The following PLXNA2 variants were observed in gnomAD, a reference collection of about 807,000 sequenced individuals.
PLXNA2 encodes the protein plexin A2.
PLXNA2 carries 91 observed loss-of-function variants against 193.5 expected under a neutral mutation model. The observed-to-expected ratio is 0.47, with a 90% CI of 0.40 to 0.56. PLXNA2 has a LOEUF of 0.56. Among genes scored for constraint, PLXNA2 ranks in the 20% least tolerant of loss-of-function variants. The probability of loss-of-function intolerance (pLI) is 0.00; values close to 1 mark genes in which losing one functional copy is unlikely to be tolerated. For missense variants in PLXNA2, 1,995 were observed against 2,503.2 expected (o/e 0.80, Z 4.33); for synonymous variants, 997 against 1,027.3 (o/e 0.97, Z 0.56).
At chr1:208,158,114 A>T (rs914050405) in intron 3 of PLXNA2, among the ~76,000 whole-genome samples, 7 of 152,206 alleles carry the variant, frequency 4.6e-5, no homozygotes, top group Non-Finnish European at 1.0e-4. Context: ...AAGCCTAGGT[A>T]CAGCTTCTGA....
At position 208,084,446 on chromosome 1, in the gene PLXNA2, T is replaced by C. The variant is rs1161201670; in HGVS notation, c.2232A>G (p.Gln744=). 3.1e-6 allele frequency: 5 copies of C among 1,614,242 alleles called. No homozygotes were observed. The Middle Eastern group carries it at 6.6e-4, about 213-fold the overall frequency. ...GAGCGGGGACCCGGTGGATGGCTCC[T>C]TGTATGTTGAGGACACACTCATAGC... ...QRGYECVLNI[Q]GAIHRVPALR... is the part of the protein sequence containing the mutation. The change falls in exon 10 of 32, where the codon CAA becomes CAG. Residue 744 remains glutamine (Q), a synonymous_variant. Transcript: ENST00000367033.
chr1:208,141,593 T>C (rs754508485), intron 4 of PLXNA2, among the ~76,000 whole-genome samples: 48 of 152,302 alleles, frequency 3.2e-4, no homozygotes, highest in Middle Eastern at 3.4e-3. Flanking sequence ...ACCGAGTGAA[T>C]GGAATGTGTC....
At chr1:208,030,512 A>T (rs1664468283) in intron 29 of PLXNA2, 1 of 985,408 alleles carries the variant, frequency 1.0e-6, no homozygotes, top group Non-Finnish European at 1.2e-6. Flanking sequence ...TCTTAACCCC[A>T]GGGCCACCCC....
intron 4 of PLXNA2, among the ~76,000 whole-genome samples, chr1:208,136,965 A>G (rs1370218116): frequency 6.6e-6 from 1 of 152,240 alleles, no homozygotes; most frequent in African/African-American, 2.4e-5. Context: ...CAATTGCATT[A>G]GGCCCATTAC....
chr1:208,143,265 G>A (rs1028561071), intron 3 of PLXNA2, among the ~76,000 whole-genome samples: 1 of 152,212 alleles, frequency 6.6e-6, no homozygotes, highest in Non-Finnish European at 1.5e-5. Flanking sequence ...CAGGGTCGAG[G>A]AGCAGCGAGG....
rs376646242 is a variant in PLXNA2 at position 208,052,368 on chromosome 1, G to T, written c.2952C>A (p.Ser984Arg). ...TCTGGTTGCCCAGGTAGACTGCCAC[G>T]CTGCTCCCAGCCCCAAGGTAATGGC... is the stretch of plus-strand genomic sequence containing the variant. ...ITGHYLGAGS[S>R]VAVYLGNQTC... Residue 984 changes from serine to arginine, a missense_variant, in exon 15 of 32, where the codon AGC becomes AGA. Ser to Arg is a moderately radical substitution (Grantham distance 110). Coordinates refer to ENST00000367033, the MANE Select transcript of PLXNA2 (RefSeq NM_025179.4). The T allele has an allele frequency of 3.1e-6, 5 of 1,613,592 alleles. No homozygotes were observed. Among genetic ancestry groups the T allele is most frequent in the African/African-American group, 1.3e-5 (1 of 74,890 alleles).
At chr1:208,143,937 C>T (rs1049844101) in intron 3 of PLXNA2, among the ~76,000 whole-genome samples, 6 of 152,108 alleles carry the variant, frequency 3.9e-5, no homozygotes, top group South Asian at 4.1e-4. Context: ...GGAACATAGC[C>T]GGCAACGGAT....
At chr1:208,206,688 C>T (rs968905766) in intron 3 of PLXNA2, among the ~76,000 whole-genome samples, 1 of 152,070 alleles carries the variant, frequency 6.6e-6, no homozygotes, top group Non-Finnish European at 1.5e-5. Context: ...ATTCTTCCAC[C>T]CTTATGGTGA....
rs746135524 is a variant in PLXNA2 at position 208,096,176 on chromosome 1, C to T, written c.1886-51G>A. 1.5e-6 allele frequency: 2 copies of T among 1,329,282 alleles called. 1 individual carries two copies. Among genetic ancestry groups the T allele is most frequent in the South Asian group, 2.4e-5 (2 of 85,082 alleles). The allele number at this position is 1,329,282 out of a possible 1,614,324, so 82.3% of individuals were successfully genotyped here. A position where few individuals can be genotyped will look rare whatever the true frequency, so the allele number is the denominator to read the frequency against. Reference sequence around the variant, plus strand: ...GGGTTGGGTAACAACGTGGGGGACCCAGTGGACAGCCACAAAAATAAAATG... The same window carrying T: ...GGGTTGGGTAACAACGTGGGGGACCTAGTGGACAGCCACAAAAATAAAATG... On this transcript the variant is annotated intron_variant, in intron 7 of 31. Transcript: ENST00000367033.
At chr1:208,049,306 CTTT>C (rs35088178) in intron 17 of PLXNA2, among the ~76,000 whole-genome samples, 1 of 141,550 alleles carries the variant, frequency 7.1e-6, no homozygotes, top group South Asian at 2.4e-4. Context: ...AATTTGCTTG[CTTT>C]TTTTTTTTTT....
At chr1:208,164,004 G>A (rs1664223) in intron 3 of PLXNA2, among the ~76,000 whole-genome samples, 140,822 of 152,300 alleles carry the variant, frequency 0.92, 65,715 homozygotes, top group Non-Finnish European at 0.99. Context: ...AGGAAGGCAG[G>A]TGTATTCATG....
At chr1:208,196,415 C>A (rs1237899172) in intron 3 of PLXNA2, among the ~76,000 whole-genome samples, 7 of 152,226 alleles carry the variant, frequency 4.6e-5, no homozygotes, top group Non-Finnish European at 7.3e-5. Flanking sequence ...ACACACTTGC[C>A]TTTAAGCATG....
chr1:208,204,337 C>G (rs1371700326), intron 3 of PLXNA2, among the ~76,000 whole-genome samples: 4 of 152,186 alleles, frequency 2.6e-5, no homozygotes, highest in African/African-American at 9.7e-5. Flanking sequence ...AAGCAGATGG[C>G]TGTCTGTACT....
At chr1:208,034,971 T>G (rs1478224678) in intron 26 of PLXNA2, among the ~76,000 whole-genome samples, 2 of 152,320 alleles carry the variant, frequency 1.3e-5, no homozygotes, top group Non-Finnish European at 2.9e-5. Flanking sequence ...TGATAATCAT[T>G]TTAGACCAGT....
intron 4 of PLXNA2, among the ~76,000 whole-genome samples, chr1:208,139,836 C>T (rs973650698): frequency 6.6e-6 from 1 of 152,200 alleles, no homozygotes; most frequent in African/African-American, 2.4e-5. Flanking sequence ...GCCTCCTGAG[C>T]TGTTCTTGGC....
chr1:208,045,384 G>C (rs1192805907), intron 18 of PLXNA2, among the ~76,000 whole-genome samples, 174 bp from the exon 19 acceptor site: 2 of 152,204 alleles, frequency 1.3e-5, no homozygotes, highest in Admixed American at 6.5e-5. Flanking sequence ...TAGAGAGAAA[G>C]AGAGAAAACA....
intron 4 of PLXNA2, among the ~76,000 whole-genome samples, chr1:208,122,031 C>T (rs1324632507): frequency 6.6e-6 from 1 of 152,162 alleles, no homozygotes; most frequent in South Asian, 2.1e-4. Flanking sequence ...AAGAAAAGAG[C>T]CATCAGGAGC....
chr1:208,142,063 C>A (rs555513451), intron 4 of PLXNA2, among the ~76,000 whole-genome samples: 2 of 152,232 alleles, frequency 1.3e-5, no homozygotes, highest in African/African-American at 4.8e-5. Context: ...AGCTGCTCCA[C>A]GCAGTCTGGC....
intron 4 of PLXNA2, among the ~76,000 whole-genome samples, chr1:208,124,058 G>A (rs1474296153): frequency 6.6e-6 from 1 of 152,112 alleles, no homozygotes; most frequent in East Asian, 1.9e-4. Flanking sequence ...GTTAGTCTAG[G>A]GCCACTGGTA....
Sources: allele counts gnomAD v4.1 joint callset (sites outside exome capture counted in the v4.1 genomes callset), GRCh38; gene constraint gnomAD v4.1.1; transcripts MANE v1.5; gene names NCBI Gene and HGNC (gene_info 2026-07-23, HGNC 2026-07-21).